Variants in RNF125 observed in about 807,000 individuals in gnomAD.
The protein encoded by RNF125 is E3 ubiquitin-protein ligase RNF125.
In RNF125, 21 loss-of-function variants were observed where a neutral mutation model predicts 26.0. That is an observed-to-expected ratio of 0.81 (90% CI 0.57 to 1.16). The LOEUF is 1.16. RNF125 is among the 50% of genes most tolerant of loss of function. The probability of loss-of-function intolerance (pLI) is 0.00; values close to 1 mark genes in which losing one functional copy is unlikely to be tolerated. For synonymous variants in RNF125, 95 were observed against 109.2 expected, an observed-to-expected ratio of 0.87 and a Z score of 0.81; for missense variants, 270 against 299.4, an observed-to-expected ratio of 0.90 and a Z score of 0.72.
Position 32,072,970 on chromosome 18 carries a change from A to C in RNF125, c.*4586A>C, listed in dbSNP as rs551540823. On this transcript the variant is annotated 3_prime_UTR_variant, in exon 6 of 6. Coordinates refer to ENST00000217740, the MANE Select transcript of RNF125 (RefSeq NM_017831.4). ...TGGGTGCCAAGTGTCTTTCATTTGG[A>C]AGTGAACTTACTCCAGTTATTGAAT... The C allele has an allele frequency of 6.6e-6, 1 of 152,282 alleles. No individual in the cohort carries two copies. Among genetic ancestry groups the C allele is most frequent in the South Asian group, 2.1e-4 (1 of 4,824 alleles). The allele number at this position is 152,282 out of a possible 1,614,324, so 9.4% of individuals were successfully genotyped here. A position where few individuals can be genotyped will look rare whatever the true frequency, so the allele number is the denominator to read the frequency against.
intron 1 of RNF125, among the ~76,000 whole-genome samples, chr18:32,035,417 TAA>T (rs2039143239): frequency 6.6e-6 from 1 of 152,118 alleles, no homozygotes. Flanking sequence ...AATTAGGAGT[TAA>T]AGAGGAAAAG....
chr18:32,049,050 C>G (rs1000176891), intron 4 of RNF125, among the ~76,000 whole-genome samples: 1 of 152,184 alleles, frequency 6.6e-6, no homozygotes, highest in African/African-American at 2.4e-5. Flanking sequence ...TGCATCTAAG[C>G]AGCAATCTGG....
intron 4 of RNF125, among the ~76,000 whole-genome samples, chr18:32,057,333 CTT>C (rs531930687): frequency 2.4e-4 from 34 of 140,578 alleles, no homozygotes; most frequent in African/African-American, 4.9e-4. Flanking sequence ...CCCCAAATGA[CTT>C]TTTTTTTTTT....
intron 4 of RNF125, among the ~76,000 whole-genome samples, chr18:32,063,216 A>G (rs1394267327): frequency 6.9e-6 from 1 of 145,110 alleles, no homozygotes; most frequent in Non-Finnish European, 1.5e-5. Context: ...GCAAAACTCA[A>G]AACTCCATTT....
At chr18:32,060,447 C>A (rs1187126055) in intron 4 of RNF125, among the ~76,000 whole-genome samples, 2 of 152,178 alleles carry the variant, frequency 1.3e-5, no homozygotes, top group African/African-American at 2.4e-5. Flanking sequence ...GTAGTAGCTT[C>A]TAATATGGTA....
chr18:32,051,796 TCTC>T lies in RNF125; in HGVS notation c.504+6069_504+6071del, dbSNP rs2039331394. Reference sequence around the variant, plus strand: ...CCTCTGACTCCCTGGTTCAAGCAATTCTCCTCCCTCAGCCTCCCGAGTAGCTGG... The same window carrying T: ...CCTCTGACTCCCTGGTTCAAGCAATTCTCCCTCAGCCTCCCGAGTAGCTGG... On this transcript the variant is annotated intron_variant, in intron 4 of 5. Transcript: ENST00000217740. 2.0e-5 allele frequency among the ~76,000 whole-genome samples: 3 copies of T among 150,962 alleles called. No homozygotes were observed. In the South Asian group the frequency reaches 6.3e-4, roughly 32 times the overall value.
At chr18:32,055,095 A>G (rs764257278) in intron 4 of RNF125, among the ~76,000 whole-genome samples, 4 of 151,628 alleles carry the variant, frequency 2.6e-5, no homozygotes, top group Non-Finnish European at 5.9e-5. Flanking sequence ...CCATGAGTTC[A>G]AGGCCAGCCT....
At chr18:32,050,865 C>CCTTTTTTTTTT (rs1491509832) in intron 4 of RNF125, among the ~76,000 whole-genome samples, 2 of 46,328 alleles carry the variant, frequency 4.3e-5, no homozygotes, top group African/African-American at 7.7e-5. Context: ...GTCTAGAGTG[C>CCTTTTTTTTTT]TTTTTTTTTT....
At chr18:32,079,233 AAG>A in the RNF125 span, among the ~76,000 whole-genome samples, 1 of 152,130 alleles carries the variant, frequency 6.6e-6, no homozygotes, top group Admixed American at 6.6e-5. Context: ...GAGGGAGAGA[AAG>A]AGAGAGAGAA....
At chr18:32,085,371 AGCAGAGAGAGAGAGAGAG>A in the RNF125 span, among the ~76,000 whole-genome samples, 1 of 103,346 alleles carries the variant, frequency 9.7e-6, no homozygotes, top group African/African-American at 4.0e-5. Flanking sequence ...CACTGCCAGA[AGCAGAGAGAGAGAGAGAG>A]AGAGAGAGAG....
At chr18:32,075,050 T>G (rs1307303760), downstream of RNF125, among the ~76,000 whole-genome samples, 12 of 152,184 alleles carry the variant, frequency 7.9e-5, no homozygotes, top group Admixed American at 7.9e-4. Flanking sequence ...TCAGAACCAC[T>G]TGGGATACTT....
Position 32,033,586 on chromosome 18 carries a change from C to T in RNF125, c.165-3530C>T, listed in dbSNP as rs181227042. Among the ~76,000 whole-genome samples the T allele has an allele frequency of 6.7e-5, 10 of 149,342 alleles. No homozygotes were observed. In the East Asian group the frequency reaches 9.9e-4, roughly 15 times the overall value. Reference sequence around the variant, plus strand: ...CTGTAATCCCAGCACTTTGGGAGGCCGAGGAGTGCGGATCACCTGAGGGCG... The same window carrying T: ...CTGTAATCCCAGCACTTTGGGAGGCTGAGGAGTGCGGATCACCTGAGGGCG... On this transcript the variant is annotated intron_variant, in intron 1 of 5. Coordinates refer to ENST00000217740, the MANE Select transcript of RNF125 (RefSeq NM_017831.4).
At chr18:32,037,055 A>C (rs780739737) in intron 1 of RNF125, 61 bp from the exon 2 acceptor site, 50 of 1,439,912 alleles carry the variant, frequency 3.5e-5, no homozygotes, top group Non-Finnish European at 4.6e-5. Context: ...AAATGAATAC[A>C]TGGTGGTGGC....
rs188829750 is a variant in RNF125 at position 32,024,846 on chromosome 18, C to T, written c.164+5819C>T. Among the ~76,000 whole-genome samples the T allele has an allele frequency of 3.9e-3, 591 of 152,182 alleles. 7 individuals are homozygous for T. Among genetic ancestry groups the T allele is most frequent in the African/African-American group, 0.014 (563 of 41,548 alleles). On this transcript the variant is annotated intron_variant, in intron 1 of 5. Transcript: ENST00000217740. ...CTATAATCCCAGCACTTTGGGAGGC[C>T]GAGGCAGGCGGATCACTTGAGCCCA...
rs532720558 is a variant in RNF125 at position 32,022,651 on chromosome 18, A to G, written c.164+3624A>G. ...TGGGGCAAAGATGGTCTAGTTATGC[A>G]GATGAAACTTCATAGATAGCAGCTC... is the stretch of plus-strand genomic sequence containing the variant. On this transcript the variant is annotated intron_variant, in intron 1 of 5. Transcript: ENST00000217740. Among the ~76,000 whole-genome samples, 3 of 152,326 alleles carry G rather than the reference A, an allele frequency of 2.0e-5. No homozygotes were observed. The South Asian group carries it at 6.2e-4, about 32-fold the overall frequency.
chr18:32,089,656 T>A, the RNF125 span, among the ~76,000 whole-genome samples: 9 of 152,192 alleles, frequency 5.9e-5, no homozygotes, highest in Admixed American at 5.9e-4. Context: ...TTTCCAAGGG[T>A]ATCTATATTT....
At chr18:32,090,327 T>C in the RNF125 span, among the ~76,000 whole-genome samples, 20 of 152,204 alleles carry the variant, frequency 1.3e-4, no homozygotes, top group Non-Finnish European at 2.4e-4. Context: ...TAAGTGAATG[T>C]GAAAAGCACC....
chr18:32,035,855 T>C (rs867328188), intron 1 of RNF125, among the ~76,000 whole-genome samples: 23 of 152,198 alleles, frequency 1.5e-4, no homozygotes, highest in Middle Eastern at 3.4e-3. Flanking sequence ...TTGGAGGGGA[T>C]AGAATTGTGT....
chr18:32,085,981 TTTAA>T, the RNF125 span, among the ~76,000 whole-genome samples: 58 of 152,246 alleles, frequency 3.8e-4, 1 homozygote, highest in South Asian at 0.011. Flanking sequence ...CTAGAAGGTG[TTTAA>T]TTAATCTTGA....
Sources: allele counts gnomAD v4.1 joint callset (sites outside exome capture counted in the v4.1 genomes callset), GRCh38; gene constraint gnomAD v4.1.1; transcripts MANE v1.5; gene names NCBI Gene and HGNC (gene_info 2026-07-23, HGNC 2026-07-21).